SLC1A1: variants seen among roughly 807,000 people sequenced by gnomAD.
The protein encoded by SLC1A1 is solute carrier family 1 member 1, also known as excitatory amino acid transporter 3.
In SLC1A1, 43 loss-of-function variants were observed where a neutral mutation model predicts 53.3. The ratio of observed to expected loss-of-function variants is 0.81; its 90% CI spans 0.63 to 1.04. The LOEUF (loss-of-function observed/expected upper bound fraction) is 1.04. Among genes scored for constraint, SLC1A1 ranks in the 50% least tolerant of loss-of-function variants. The pLI is 0.00. For missense variants in SLC1A1, 748 were observed against 664.9 expected (o/e 1.12, Z -1.37); for synonymous variants, 307 against 243.2 (o/e 1.26, Z -2.44).
At chr9:4,551,721 T>C (rs765432678) in intron 2 of SLC1A1, among the ~76,000 whole-genome samples, 1 of 152,242 alleles carries the variant, frequency 6.6e-6, no homozygotes, top group South Asian at 2.1e-4. Context: ...TGCCTAAGAC[T>C]GTACAGTCTG....
intron 2 of SLC1A1, 25 bp downstream of exon 2, chr9:4,544,732 C>T (rs758122759): frequency 1.5e-5 from 23 of 1,585,448 alleles, no homozygotes; most frequent in African/African-American, 2.7e-5. Flanking sequence ...CAGATGTTCT[C>T]TATATTAGTC....
At position 4,572,250 on chromosome 9, in the gene SLC1A1, T is replaced by A. The variant is rs1251311011; in HGVS notation, c.629T>A (p.Ile210Lys). 1 of 1,614,160 alleles carries A rather than the reference T, an allele frequency of 6.2e-7. No homozygotes were observed. Among genetic ancestry groups the A allele is most frequent in the South Asian group, 1.1e-5 (1 of 91,080 alleles). Residue 210 changes from isoleucine (I) to lysine (K), a missense_variant, in exon 7 of 12, where the codon ATA becomes AAA. Coordinates refer to ENST00000262352, the MANE Select transcript of SLC1A1 (RefSeq NM_004170.6). ...YKIVGMYSDG[I>K]NVLGLIVFCL... ...ATTGTTGGCATGTATTCAGATGGCA[T>A]AAACGTCCTGGGCTTGATTGTCTTT...
chr9:4,566,041 C>T lies in SLC1A1; in HGVS notation c.441-6C>T. On this transcript the variant is annotated splice_polypyrimidine_tract_variant and splice_region_variant and intron_variant, in intron 4 of 11. Transcript: ENST00000262352. Reference sequence around the variant, plus strand: ...AACATAATACTGCCTTTTATGTCTCCAACAGGAATATGTTCCCTGAGAATC... The same window carrying T: ...AACATAATACTGCCTTTTATGTCTCTAACAGGAATATGTTCCCTGAGAATC... 1 of 1,611,534 alleles carries T rather than the reference C, an allele frequency of 6.2e-7. No individual in the cohort carries two copies. Among genetic ancestry groups the T allele is most frequent in the Non-Finnish European group, 8.5e-7 (1 of 1,177,788 alleles).
intron 10 of SLC1A1, among the ~76,000 whole-genome samples, chr9:4,577,266 C>T (rs1346416018): frequency 1.3e-5 from 2 of 152,110 alleles, no homozygotes; most frequent in Admixed American, 6.6e-5. Context: ...AAGCTAGGAG[C>T]ATTTGGAGTG....
rs372374644 is a variant in SLC1A1, at chr9:4,540,260, C to A, written c.92-4307C>A. ...TCCCGCTCCATCCCCTTTTCAGCTC[C>A]CCTCCATTGAAAGCCATGTTCATCA... On this transcript the variant is annotated intron_variant, in intron 1 of 11. Coordinates refer to ENST00000262352, the MANE Select transcript of SLC1A1 (RefSeq NM_004170.6). Among the ~76,000 whole-genome samples the A allele has an allele frequency of 4.6e-5, 7 of 152,210 alleles. No individual in the cohort carries two copies. In the South Asian group the frequency reaches 1.5e-3, roughly 32 times the overall value.
chr9:4,517,165 CCT>C (rs1214946577), intron 1 of SLC1A1, among the ~76,000 whole-genome samples: 5 of 152,152 alleles, frequency 3.3e-5, no homozygotes, highest in Admixed American at 3.3e-4. Context: ...TTCCCCTGCC[CCT>C]CTGTCTTTAG....
chr9:4,566,195 T>C, intron 5 of SLC1A1, 106 bp downstream of exon 5: 1 of 1,031,674 alleles, frequency 9.7e-7, no homozygotes, highest in Non-Finnish European at 1.5e-6. Flanking sequence ...CCCGTGAAAA[T>C]GGCAGCAGGA....
chr9:4,561,404 C>G (rs1818925887), intron 2 of SLC1A1, 45 bp from the exon 3 acceptor site: 1 of 1,191,624 alleles, frequency 8.4e-7, no homozygotes, highest in African/African-American at 1.5e-5. Context: ...TCCTGGAAAC[C>G]TGTCTTTTAA....
At chr9:4,503,767 G>C (rs1310313431) in intron 1 of SLC1A1, among the ~76,000 whole-genome samples, 1 of 151,880 alleles carries the variant, frequency 6.6e-6, no homozygotes, top group Non-Finnish European at 1.5e-5. Flanking sequence ...ACACAGGTCT[G>C]TCACATCATA....
In SLC1A1 at chr9:4,566,062, G is replaced by A; in HGVS notation, c.456G>A (p.Glu152=). The part of the protein sequence containing the change: ...MLDLIRNMFP[E]NLVQACFQQY... ...TCTCCAACAGGAATATGTTCCCTGA[G>A]AATCTTGTCCAGGCCTGTTTTCAGC... Residue 152 remains glutamate (E), a synonymous_variant, in exon 5 of 12, where the codon GAG becomes GAA. Transcript: ENST00000262352. 2 of 1,613,534 alleles carry A rather than the reference G, an allele frequency of 1.2e-6. No individual in the cohort carries two copies. Among genetic ancestry groups the A allele is most frequent in the Non-Finnish European group, 1.7e-6 (2 of 1,179,524 alleles).
chr9:4,513,867 G>C (rs1821074159), intron 1 of SLC1A1, among the ~76,000 whole-genome samples: 3 of 152,146 alleles, frequency 2.0e-5, no homozygotes, highest in African/African-American at 7.2e-5. Flanking sequence ...CAAGAGAAAG[G>C]AACATACCAT....
At chr9:4,497,486 T>A (rs1420671263) in intron 1 of SLC1A1, among the ~76,000 whole-genome samples, 1 of 152,208 alleles carries the variant, frequency 6.6e-6, no homozygotes, top group Non-Finnish European at 1.5e-5. Context: ...GTAGGGTGAA[T>A]ACATTTGTTG....
In SLC1A1 at chr9:4,568,911, C is replaced by T. The variant is rs542581524; in HGVS notation, c.582+1144C>T. On this transcript the variant is annotated intron_variant, in intron 6 of 11. Coordinates refer to ENST00000262352, the MANE Select transcript of SLC1A1 (RefSeq NM_004170.6). The stretch of plus-strand genomic sequence containing the variant: ...AAGGTGTCTTTAAAAGAAACACATA[C>T]AACAATGTTATATATTGATTGTTTG... 2.1e-3 allele frequency among the ~76,000 whole-genome samples: 313 copies of T among 152,208 alleles called. 4 individuals are homozygous for T. Among genetic ancestry groups the T allele is most frequent in the African/African-American group, 7.4e-3 (306 of 41,530 alleles).
At chr9:4,564,582 T>G in intron 4 of SLC1A1, 124 bp downstream of exon 4, 17 of 705,622 alleles carry the variant, frequency 2.4e-5, no homozygotes, top group East Asian at 5.7e-5. Flanking sequence ...TATTGTGCAC[T>G]TTCATTTTGC....
In SLC1A1 at chr9:4,523,101, C is replaced by T. The variant is rs117365149; in HGVS notation, c.92-21466C>T. Reference sequence around the variant, plus strand: ...CTCCTCCTCCCCATCCCTGTCTTCCCACAGCTCAATACTTCCACCTTCCAT... The same window carrying T: ...CTCCTCCTCCCCATCCCTGTCTTCCTACAGCTCAATACTTCCACCTTCCAT... On this transcript the variant is annotated intron_variant, in intron 1 of 11. Transcript: ENST00000262352. 9.2e-5 allele frequency among the ~76,000 whole-genome samples: 14 copies of T among 152,274 alleles called. No individual in the cohort carries two copies. The East Asian group carries it at 2.7e-3, about 29-fold the overall frequency.
intron 1 of SLC1A1, among the ~76,000 whole-genome samples, chr9:4,534,018 A>C (rs1250563563): frequency 6.6e-6 from 1 of 152,208 alleles, no homozygotes; most frequent in Non-Finnish European, 1.5e-5. Context: ...CAATGAGAAC[A>C]AAGACACAAC....
chr9:4,572,327 CTGG>C lies in SLC1A1; in HGVS notation c.710_712del (p.Val237del). 6.2e-7 allele frequency: 1 copy of C among 1,614,132 alleles called. No individual in the cohort carries two copies. The highest frequency in any genetic ancestry group is 8.5e-7 in the Non-Finnish European group (1 of 1,179,980). On this transcript the variant is annotated inframe_deletion, in exon 7 of 12. Transcript: ENST00000262352. ...AAAAATGGGAGAAAAGGGACAAATT[CTGG>C]TGGATTTCTTCAATGCTTTGAGTGA...
intron 1 of SLC1A1, among the ~76,000 whole-genome samples, chr9:4,530,397 G>A (rs1196894720): frequency 6.6e-6 from 1 of 152,200 alleles, no homozygotes; most frequent in Non-Finnish European, 1.5e-5. Flanking sequence ...TTCAGGAGCG[G>A]CTTCAAGATC....
In SLC1A1 at chr9:4,537,515, C is replaced by T. The variant is rs1816719242; in HGVS notation, c.92-7052C>T. 6.1e-5 allele frequency among the ~76,000 whole-genome samples: 3 copies of T among 48,950 alleles called. 1 individual carries two copies. The highest frequency in any genetic ancestry group is 2.4e-4 in the African/African-American group (3 of 12,630). The allele number at this position is 48,950 out of a possible 152,430, so 32.1% of individuals were successfully genotyped here. ...CGGAGCTTGCAGTGAGCCGAGATTG[C>T]GCCACTGCAGTCCACAGTCCGGCCT... On this transcript the variant is annotated intron_variant, in intron 1 of 11. Coordinates refer to ENST00000262352, the MANE Select transcript of SLC1A1 (RefSeq NM_004170.6).
Sources: gnomAD v4.1 joint callset for allele counts (sites outside exome capture counted in the v4.1 genomes callset) on GRCh38, gnomAD v4.1.1 for gene constraint, MANE v1.5 for transcripts, NCBI Gene and HGNC (gene_info 2026-07-23, HGNC 2026-07-21) for gene names.